SH2D3C: variants seen among roughly 807,000 people sequenced by gnomAD.
The protein encoded by SH2D3C is SH2 domain-containing protein 3C.
A neutral mutation model predicts 75.2 loss-of-function variants in SH2D3C; 25 were observed. The ratio of observed to expected loss-of-function variants is 0.33; its 90% CI spans 0.24 to 0.46. The LOEUF (loss-of-function observed/expected upper bound fraction) is 0.46, where lower values mean the gene tolerates loss of function less well. Among genes scored for constraint, SH2D3C ranks in the 20% least tolerant of loss-of-function variants. SH2D3C has a pLI of 1.00. For synonymous variants in SH2D3C, 450 were observed against 473.7 expected, an observed-to-expected ratio of 0.95 and a Z score of 0.65; for missense variants, 933 against 1,165.3, an observed-to-expected ratio of 0.80 and a Z score of 2.90.
intron 10 of SH2D3C, among the ~76,000 whole-genome samples, 166 bp from the exon 11 acceptor site, chr9:127,740,054 A>C (rs569913519): frequency 6.6e-6 from 1 of 152,202 alleles, no homozygotes; most frequent in South Asian, 2.1e-4. Flanking sequence ...GATTCCCCCA[A>C]CTGAACCCAC....
intron 2 of SH2D3C, chr9:127,767,094 C>A: frequency 6.5e-7 from 1 of 1,536,180 alleles, no homozygotes; most frequent in Non-Finnish European, 8.7e-7. Context: ...TTGTGCCCAG[C>A]ACATTCTGCT....
chr9:127,769,165 C>T (rs1845688000), intron 2 of SH2D3C, among the ~76,000 whole-genome samples: 1 of 152,228 alleles, frequency 6.6e-6, no homozygotes, highest in African/African-American at 2.4e-5. Context: ...TCACTGCTAT[C>T]TCCCAGGACC....
intron 2 of SH2D3C, among the ~76,000 whole-genome samples, chr9:127,770,199 C>T (rs1396263045): frequency 1.3e-5 from 2 of 152,122 alleles, no homozygotes; most frequent in South Asian, 2.1e-4. Flanking sequence ...TCTTCATCCC[C>T]ATGATCTCAG....
intron 2 of SH2D3C, among the ~76,000 whole-genome samples, chr9:127,767,528 AACAG>A (rs1845658547): frequency 6.6e-6 from 1 of 152,210 alleles, no homozygotes; most frequent in Non-Finnish European, 1.5e-5. Flanking sequence ...AAGGCAAAGA[AACAG>A]ACAAACAAAA....
chr9:127,756,329 T>G (rs1194513272), intron 3 of SH2D3C, among the ~76,000 whole-genome samples: 1 of 152,130 alleles, frequency 6.6e-6, no homozygotes, highest in Non-Finnish European at 1.5e-5. Context: ...GAAACTGGAC[T>G]TTTTGTCTCA....
At chr9:127,743,451 C>T (rs999785079) in intron 7 of SH2D3C, among the ~76,000 whole-genome samples, 1 of 152,036 alleles carries the variant, frequency 6.6e-6, no homozygotes, top group African/African-American at 2.4e-5. Context: ...TGCAGTGAGC[C>T]GATATCACGC....
chr9:127,754,248 C>A lies in SH2D3C; in HGVS notation c.556-2948G>T, dbSNP rs1305442489. ...ATGCTGCGCTCCGCCGCCGGCGGGG[C>A]AGTCCTTCAGGCGGGCTCCGCGAGC... On this transcript the variant is annotated intron_variant, in intron 3 of 11. Coordinates refer to ENST00000314830, the MANE Select transcript of SH2D3C (RefSeq NM_170600.3). This position sits in a 1 kb window ranked among gnomAD's most constrained non-coding sequence, Gnocchi z 4.4. Among the ~76,000 whole-genome samples the A allele has an allele frequency of 3.3e-5, 5 of 152,144 alleles. No homozygotes were observed. The highest frequency in any genetic ancestry group is 1.2e-4 in the African/African-American group (5 of 41,438).
At chr9:127,772,174 C>A (rs529491483) in intron 2 of SH2D3C, among the ~76,000 whole-genome samples, 17 of 150,434 alleles carry the variant, frequency 1.1e-4, no homozygotes, top group African/African-American at 3.9e-4. Context: ...AGAAAGTTAC[C>A]AGAAAAAAAC....
Position 127,770,033 on chromosome 9 carries a change from A to G in SH2D3C, c.515+3957T>C, listed in dbSNP as rs116771152. Among the ~76,000 whole-genome samples the G allele has an allele frequency of 8.9e-3, 1,349 of 152,126 alleles. 19 individuals carry two copies. The highest frequency in any genetic ancestry group is 0.03 in the African/African-American group (1,257 of 41,480). Reference sequence around the variant, plus strand: ...GTGCTGGGGCTTCCTGTCCCTCTCTAGGCCTCTGCTTCCTCCTCTGTAGGA... The same window carrying G: ...GTGCTGGGGCTTCCTGTCCCTCTCTGGGCCTCTGCTTCCTCCTCTGTAGGA... On this transcript the variant is annotated intron_variant, in intron 2 of 11. Coordinates refer to ENST00000314830, the MANE Select transcript of SH2D3C (RefSeq NM_170600.3).
chr9:127,741,135 A>G (rs1231538767), intron 9 of SH2D3C, among the ~76,000 whole-genome samples: 1 of 152,136 alleles, frequency 6.6e-6, no homozygotes, highest in Non-Finnish European at 1.5e-5. Context: ...TGCTAAAGGC[A>G]CCTACTTCAT....
chr9:127,769,516 C>T (rs981700411), intron 2 of SH2D3C, among the ~76,000 whole-genome samples: 2 of 151,612 alleles, frequency 1.3e-5, no homozygotes, highest in African/African-American at 4.9e-5. Context: ...ATTAGCCAGG[C>T]GTGGTGGCGC....
chr9:127,751,373 C>G lies in SH2D3C; in HGVS notation c.556-73G>C. The G allele has an allele frequency of 7.0e-7, 1 of 1,436,444 alleles. No individual in the cohort carries two copies. The highest frequency in any genetic ancestry group is 9.7e-7 in the Non-Finnish European group (1 of 1,029,492). 89.0% of individuals were successfully genotyped at this position (1,436,444 alleles called of 1,614,324 possible). ...TTCTTTCCCTCCCAACTTCATTCTA[C>G]CATGGATGAACTCCTCCTATCCTGG... On this transcript the variant is annotated intron_variant, in intron 3 of 11. Coordinates refer to ENST00000314830, the MANE Select transcript of SH2D3C (RefSeq NM_170600.3). The surrounding 1 kb of genome is among the most constrained non-coding windows in gnomAD (Gnocchi z 4.1).
chr9:127,770,342 T>C (rs1402088910), intron 2 of SH2D3C, among the ~76,000 whole-genome samples: 1 of 152,124 alleles, frequency 6.6e-6, no homozygotes, highest in African/African-American at 2.4e-5. Flanking sequence ...GATGGCCTCC[T>C]CTAGACACTC....
intron 3 of SH2D3C, among the ~76,000 whole-genome samples, chr9:127,757,632 TGATG>T (rs1564419815): frequency 0.13 from 15,631 of 119,008 alleles, 1,178 homozygotes; most frequent in East Asian, 0.36. Context: ...ATGATGATGA[TGATG>T]ATGATGATGA....
intron 2 of SH2D3C, among the ~76,000 whole-genome samples, chr9:127,772,491 A>T (rs546474307): frequency 6.6e-6 from 1 of 152,164 alleles, no homozygotes; most frequent in Admixed American, 6.5e-5. Flanking sequence ...CGAACTCCTG[A>T]CCTTGTGATC....
rs951050663 is a variant in SH2D3C at position 127,749,770 on chromosome 9, G to C, written c.685-105C>G. 4.3e-6 allele frequency: 3 copies of C among 702,066 alleles called. No homozygotes were observed. The African/African-American group carries it at 5.2e-5, about 12-fold the overall frequency. 43.5% of individuals were successfully genotyped at this position (702,066 alleles called of 1,614,324 possible). ...AGGATTAGGGGGCACAGCAAGACCA[G>C]ACCCAGGGCATAGAGGACCCAATGA... On this transcript the variant is annotated intron_variant, in intron 4 of 11. Coordinates refer to ENST00000314830, the MANE Select transcript of SH2D3C (RefSeq NM_170600.3). The surrounding 1 kb of genome is among the most constrained non-coding windows in gnomAD (Gnocchi z 5.9).
chr9:127,774,903 A>G lies in SH2D3C; in HGVS notation c.38-436T>C, dbSNP rs1588528213. On this transcript the variant is annotated intron_variant, in intron 1 of 11. Coordinates refer to ENST00000314830, the MANE Select transcript of SH2D3C (RefSeq NM_170600.3). This position sits in a 1 kb window ranked among gnomAD's most constrained non-coding sequence, Gnocchi z 4.3. Reference sequence around the variant, plus strand: ...TCAGGAGTTCGAGACCAGCCTGGACAACATGATGAAACCCCTTCTCTACTA... The same window carrying G: ...TCAGGAGTTCGAGACCAGCCTGGACGACATGATGAAACCCCTTCTCTACTA... 6.6e-6 allele frequency among the ~76,000 whole-genome samples: 1 copy of G among 152,240 alleles called. No individual in the cohort carries two copies. Among genetic ancestry groups the G allele is most frequent in the African/African-American group, 2.4e-5 (1 of 41,538 alleles).
intron 3 of SH2D3C, chr9:127,755,238 T>C: frequency 8.5e-7 from 1 of 1,171,514 alleles, no homozygotes; most frequent in Non-Finnish European, 1.1e-6. Flanking sequence ...ACCAACCGGC[T>C]AGGCACCGGC....
chr9:127,759,034 C>T (rs4562433), intron 3 of SH2D3C, among the ~76,000 whole-genome samples: 1,926 of 152,278 alleles, frequency 0.013, 56 homozygotes, highest in African/African-American at 0.044. Context: ...CTCACGGCCA[C>T]GGGCTCACTG....
Sources: allele counts gnomAD v4.1 joint callset (sites outside exome capture counted in the v4.1 genomes callset), GRCh38; gene constraint gnomAD v4.1.1; non-coding constraint Gnocchi (gnomAD v3.1); transcripts MANE v1.5; gene names NCBI Gene and HGNC (gene_info 2026-07-23, HGNC 2026-07-21).